Variants in ATP2A3 observed in about 807,000 individuals in gnomAD.
ATP2A3 encodes sarcoplasmic/endoplasmic reticulum calcium ATPase 3.
ATP2A3 carries 61 observed loss-of-function variants against 106.8 expected under a neutral mutation model. That is an observed-to-expected ratio of 0.57 (90% CI 0.46 to 0.71). The LOEUF is 0.71. Among genes scored for constraint, ATP2A3 ranks in the 30% least tolerant of loss-of-function variants. The probability of loss-of-function intolerance (pLI) is 0.00; values close to 1 mark genes in which losing one functional copy is unlikely to be tolerated. For missense variants in ATP2A3, 1,201 were observed against 1,423.5 expected, an observed-to-expected ratio of 0.84 and a Z score of 2.52; for synonymous variants, 611 against 609.3, an observed-to-expected ratio of 1.00 and a Z score of -0.04.
rs370155458 is a variant in ATP2A3, at chr17:3,947,382, G to T, written c.1095+9C>A. On this transcript the variant is annotated intron_variant, in intron 8 of 20. Coordinates refer to ENST00000397041, the MANE Select transcript of ATP2A3 (RefSeq NM_005173.4). This position sits in a 1 kb window ranked among gnomAD's most constrained non-coding sequence, Gnocchi z 7.7. ...AACGCACAGCAACACCAAGCTGGCCGTCACTCACCCGGCAGACAGACATCT... is the reference window on the plus strand; with the variant it reads ...AACGCACAGCAACACCAAGCTGGCCTTCACTCACCCGGCAGACAGACATCT... 6.2e-7 allele frequency: 1 copy of T among 1,613,582 alleles called. No homozygotes were observed. The highest frequency in any genetic ancestry group is 8.5e-7 in the Non-Finnish European group (1 of 1,180,032).
chr17:3,937,505 C>T lies in ATP2A3; in HGVS notation c.2232G>A (p.Val744=). ...TGGCCCGGCCCTCCTCCACCGCAGC[C>T]ACGATGGAGGCAAAGTTGTCATCTG... is the stretch of plus-strand genomic sequence containing the variant. The part of the protein sequence containing the change: ...VLSDDNFASI[V]AAVEEGRAIY... The change falls in exon 15 of 21, where the codon GTG becomes GTA. Residue 744 remains valine (V), a synonymous_variant. Transcript: ENST00000397041. The T allele has an allele frequency of 6.2e-7, 1 of 1,614,110 alleles. No homozygotes were observed. Among genetic ancestry groups the T allele is most frequent in the Non-Finnish European group, 8.5e-7 (1 of 1,179,990 alleles).
At position 3,955,878 on chromosome 17, in the gene ATP2A3, T is replaced by C. The variant is rs1567722532; in HGVS notation, c.119-2168A>G. Among the ~76,000 whole-genome samples, 1 of 144,614 alleles carries C rather than the reference T, an allele frequency of 6.9e-6. No homozygotes were observed. Among genetic ancestry groups the C allele is most frequent in the Non-Finnish European group, 1.6e-5 (1 of 64,448 alleles). 94.9% of individuals were successfully genotyped at this position (144,614 alleles called of 152,430 possible). Reference sequence around the variant, plus strand: ...TCAAGTTCTCCTTTCTCTTATTTTATTTTATTTTATTTTTTTTTTTTGAGA... The same window carrying C: ...TCAAGTTCTCCTTTCTCTTATTTTACTTTATTTTATTTTTTTTTTTTGAGA... On this transcript the variant is annotated intron_variant, in intron 1 of 20. Transcript: ENST00000397041. The surrounding 1 kb of genome is among the most constrained non-coding windows in gnomAD (Gnocchi z 4.2).
intron 7 of ATP2A3, among the ~76,000 whole-genome samples, chr17:3,948,447 G>C (rs191164939): frequency 6.6e-6 from 1 of 152,288 alleles, no homozygotes; most frequent in Admixed American, 6.5e-5. Context: ...TGCATATGCT[G>C]TTGGGGCTGG....
At chr17:3,934,522 C>CTTTTTTTT (rs111586874) in intron 17 of ATP2A3, among the ~76,000 whole-genome samples, 2 of 123,394 alleles carry the variant, frequency 1.6e-5, no homozygotes. Flanking sequence ...CCCCTCGATT[C>CTTTTTTTT]TTTTTTTTTT....
At position 3,930,768 on chromosome 17, in the gene ATP2A3, A is replaced by C. The variant is rs2053031078; in HGVS notation, c.2611-334T>G. 1 of 430,466 alleles carries C rather than the reference A, an allele frequency of 2.3e-6. No individual in the cohort carries two copies. Among genetic ancestry groups the C allele is most frequent in the South Asian group, 2.1e-5 (1 of 48,342 alleles). The allele number at this position is 430,466 out of a possible 1,614,324, so 26.7% of individuals were successfully genotyped here. A position where few individuals can be genotyped will look rare whatever the true frequency, so the allele number is the denominator to read the frequency against. On this transcript the variant is annotated intron_variant, in intron 17 of 20. Coordinates refer to ENST00000397041, the MANE Select transcript of ATP2A3 (RefSeq NM_005173.4). This position sits in a 1 kb window ranked among gnomAD's most constrained non-coding sequence, Gnocchi z 5.4. ...ACTGAATAGGGAAATGCATGTGAAA[A>C]TCAACCAACAAAACCATGCGGGAGT...
chr17:3,946,571 C>T (rs997931094), intron 8 of ATP2A3, among the ~76,000 whole-genome samples: 7 of 152,024 alleles, frequency 4.6e-5, no homozygotes, highest in African/African-American at 1.2e-4. Context: ...AAAAAAAAAT[C>T]GCTATTAGTC....
chr17:3,951,454 T>C, intron 4 of ATP2A3, 65 bp from the exon 5 acceptor site: 2 of 1,610,324 alleles, frequency 1.2e-6, no homozygotes, highest in Non-Finnish European at 1.7e-6. Flanking sequence ...CCCCTTGGAG[T>C]GACTCCTCTG....
At chr17:3,944,625 T>C (rs2053982050) in intron 10 of ATP2A3, 79 bp downstream of exon 10, 1 of 1,482,644 alleles carries the variant, frequency 6.7e-7, no homozygotes, top group Non-Finnish European at 9.3e-7. Flanking sequence ...CTGCCAACCC[T>C]GGGAGCTTTG....
rs759698043 is a variant in ATP2A3 at position 3,941,451 on chromosome 17, C to T, written c.1749G>A (p.Lys583=). The change falls in exon 13 of 21, where the codon AAG becomes AAA. Residue 583 remains lysine (K), a synonymous_variant. Coordinates refer to ENST00000397041, the MANE Select transcript of ATP2A3 (RefSeq NM_005173.4). ...KEDMELDDCS[K]FVQYETDLTF... is the part of the protein sequence containing the mutation. The stretch of plus-strand genomic sequence containing the variant: ...CTGCACCCACCTCGTACTGCACAAA[C>T]TTGCTGCAGTCGTCCAGCTCCATGT... 1.2e-6 allele frequency: 2 copies of T among 1,613,718 alleles called. No individual in the cohort carries two copies. Among genetic ancestry groups the T allele is most frequent in the Admixed American group, 3.3e-5 (2 of 59,998 alleles).
chr17:3,942,083 G>C (rs1280863777), intron 12 of ATP2A3, among the ~76,000 whole-genome samples: 1 of 152,158 alleles, frequency 6.6e-6, no homozygotes, highest in African/African-American at 2.4e-5. Context: ...CCATACACAG[G>C]GTATGGCGGG....
chr17:3,927,783 A>G (rs2144200113), intron 20 of ATP2A3: 1 of 983,870 alleles, frequency 1.0e-6, no homozygotes, highest in South Asian at 4.7e-5. Context: ...CTCAGCCCCT[A>G]GGGAATGACA....
chr17:3,925,543 C>T lies in ATP2A3; in HGVS notation c.2981-102G>A. 1 of 1,434,410 alleles carries T rather than the reference C, an allele frequency of 7.0e-7. No individual in the cohort carries two copies. Among genetic ancestry groups the T allele is most frequent in the Non-Finnish European group, 9.5e-7 (1 of 1,050,310 alleles). The allele number at this position is 1,434,410 out of a possible 1,614,324, so 88.9% of individuals were successfully genotyped here. On this transcript the variant is annotated intron_variant, in intron 20 of 20. Coordinates refer to ENST00000397041, the MANE Select transcript of ATP2A3 (RefSeq NM_005173.4). The surrounding 1 kb of genome is among the most constrained non-coding windows in gnomAD (Gnocchi z 4.2). Reference sequence around the variant, plus strand: ...CCATCCTCCACTTCTCCCAGGACAGCCCCAGGCTCCCAAGGCCTCCCTTAG... The same window carrying T: ...CCATCCTCCACTTCTCCCAGGACAGTCCCAGGCTCCCAAGGCCTCCCTTAG...
rs775541322 is a variant in ATP2A3 at position 3,951,388 on chromosome 17, T to C, written c.326A>G (p.Glu109Gly). ...CTCGATGGCACTCTCGGCGTTGCGT[T>C]CCTGCAGAATAGAAGGCCGGCAGGC... The part of the protein sequence containing the change: ...VANAIVGVWQ[E>G]RNAESAIEAL... Residue 109 changes from glutamate (E) to glycine (G), a missense_variant and splice_region_variant, in exon 5 of 21, where the codon GAA (glutamate) becomes GGA (glycine). Glu to Gly is a moderately conservative substitution (Grantham distance 98). Coordinates refer to ENST00000397041, the MANE Select transcript of ATP2A3 (RefSeq NM_005173.4). 6.2e-6 allele frequency: 10 copies of C among 1,613,554 alleles called. No individual in the cohort carries two copies. Among genetic ancestry groups the C allele is most frequent in the Admixed American group, 3.3e-5 (2 of 60,010 alleles).
At position 3,924,863 on chromosome 17, in the gene ATP2A3, G is replaced by A. The variant is rs1378993613; in HGVS notation, c.*559C>T. On this transcript the variant is annotated 3_prime_UTR_variant, in exon 21 of 21. Coordinates refer to ENST00000397041, the MANE Select transcript of ATP2A3 (RefSeq NM_005173.4). The surrounding 1 kb of genome is among the most constrained non-coding windows in gnomAD (Gnocchi z 6.4). Reference sequence around the variant, plus strand: ...GAGCCGACTTTGTGGAAGCAGAGTGGAGTGGAGGGGGCTGCCCACCCTCGC... The same window carrying A: ...GAGCCGACTTTGTGGAAGCAGAGTGAAGTGGAGGGGGCTGCCCACCCTCGC... 2.2e-6 allele frequency: 1 copy of A among 456,952 alleles called. No individual in the cohort carries two copies. The highest frequency in any genetic ancestry group is 2.3e-5 in the Admixed American group (1 of 42,586). The allele number at this position is 456,952 out of a possible 1,614,324, so 28.3% of individuals were successfully genotyped here. A position where few individuals can be genotyped will look rare whatever the true frequency, so the allele number is the denominator to read the frequency against.
rs2052672507 is a variant in ATP2A3 at position 3,925,711 on chromosome 17, T to C, written c.2981-270A>G. ...CCAGTACATACTCTCCTGGTTTTCA[T>C]TTTGGGGAATCACCACCCATTATCG... On this transcript the variant is annotated intron_variant, in intron 20 of 20. Transcript: ENST00000397041. The surrounding 1 kb of genome is among the most constrained non-coding windows in gnomAD (Gnocchi z 4.2). 6.6e-6 allele frequency among the ~76,000 whole-genome samples: 1 copy of C among 151,364 alleles called. No individual in the cohort carries two copies. Among genetic ancestry groups the C allele is most frequent in the African/African-American group, 2.4e-5 (1 of 41,138 alleles).
chr17:3,941,603 G>C lies in ATP2A3; in HGVS notation c.1597C>G (p.Arg533Gly), dbSNP rs772480917. 2 of 1,611,854 alleles carry C rather than the reference G, an allele frequency of 1.2e-6. No individual in the cohort carries two copies. Among genetic ancestry groups the C allele is most frequent in the African/African-American group, 2.7e-5 (2 of 74,904 alleles). Residue 533 changes from arginine to glycine, a missense_variant, in exon 13 of 21, where the codon CGC becomes GGC. Physicochemically the swap from Arg to Gly is moderately radical, Grantham distance 125. Transcript: ENST00000397041. ...GAGGTGGGGGTCAGGGGTGCTGTGC[G>C]GCTCCCCACGCGGACTGAGCTACAG... ...ERCSSVRVGS[R>G]TAPLTPTSRE...
In ATP2A3 at chr17:3,955,358, A is replaced by G. The variant is rs753122386; in HGVS notation, c.119-1648T>C. Among the ~76,000 whole-genome samples, 1 of 152,198 alleles carries G rather than the reference A, an allele frequency of 6.6e-6. No homozygotes were observed. The highest frequency in any genetic ancestry group is 1.5e-5 in the Non-Finnish European group (1 of 68,028). On this transcript the variant is annotated intron_variant, in intron 1 of 20. Transcript: ENST00000397041. The surrounding 1 kb of genome is among the most constrained non-coding windows in gnomAD (Gnocchi z 4.2). ...GGCAGCTGAACCCTGGGGAGTATCA[A>G]GCAGCCCACTGGACTGTAGGAATCC...
chr17:3,938,353 G>A (rs987369505), intron 14 of ATP2A3, among the ~76,000 whole-genome samples: 2 of 151,974 alleles, frequency 1.3e-5, no homozygotes, highest in Admixed American at 6.5e-5. Context: ...GGAGTCGCTT[G>A]AGCCCGGGAG....
Position 3,930,183 on chromosome 17 carries a change from A to G in ATP2A3, c.2744+118T>C. ...CCCTCAGCCCCCACTCCTCGGCCCC[A>G]GCTCCAGGCCCTGCGCCCAGCCCAC... is the stretch of plus-strand genomic sequence containing the variant. On this transcript the variant is annotated intron_variant, in intron 18 of 20. Transcript: ENST00000397041. This position sits in a 1 kb window ranked among gnomAD's most constrained non-coding sequence, Gnocchi z 5.4. 1 of 1,264,872 alleles carries G rather than the reference A, an allele frequency of 7.9e-7. No homozygotes were observed. The highest frequency in any genetic ancestry group is 2.6e-5 in the East Asian group (1 of 38,374). The allele number at this position is 1,264,872 out of a possible 1,614,324, so 78.4% of individuals were successfully genotyped here.
Sources: gnomAD v4.1 joint callset for allele counts (sites outside exome capture counted in the v4.1 genomes callset) on GRCh38, gnomAD v4.1.1 for gene constraint, Gnocchi (gnomAD v3.1) non-coding constraint, MANE v1.5 for transcripts, NCBI Gene and HGNC (gene_info 2026-07-23, HGNC 2026-07-21) for gene names.